RBMS1: variants seen among roughly 807,000 people sequenced by gnomAD.
RBMS1 encodes RNA-binding motif, single-stranded-interacting protein 1.
In RBMS1, 17 loss-of-function variants were observed where a neutral mutation model predicts 62.3. The ratio of observed to expected loss-of-function variants is 0.27; its 90% confidence interval spans 0.19 to 0.41. The LOEUF is 0.41. RBMS1 is among the 10% of genes least tolerant of loss of function. The probability of loss-of-function intolerance (pLI) is 1.00; values close to 1 mark genes in which losing one functional copy is unlikely to be tolerated. For missense variants in RBMS1, 334 were observed against 504.5 expected, an observed-to-expected ratio of 0.66 and a Z score of 3.24; for synonymous variants, 172 against 170.0, an observed-to-expected ratio of 1.01 and a Z score of -0.09.
chr2:160,478,599 A>AT (rs1367376319), intron 1 of RBMS1, among the ~76,000 whole-genome samples: 2 of 152,318 alleles, frequency 1.3e-5, no homozygotes, highest in East Asian at 3.9e-4. Context: ...CTAAGGTGGC[A>AT]TTTTTACTGG....
At chr2:160,353,028 G>A (rs1219106352) in intron 2 of RBMS1, among the ~76,000 whole-genome samples, 1 of 152,066 alleles carries the variant, frequency 6.6e-6, no homozygotes, top group Non-Finnish European at 1.5e-5. Flanking sequence ...AAAACCTTTT[G>A]CAGCTGCATA....
intron 1 of RBMS1, among the ~76,000 whole-genome samples, chr2:160,420,612 T>C (rs1461009710): frequency 7.2e-6 from 1 of 138,490 alleles, no homozygotes; most frequent in African/African-American, 2.5e-5. Flanking sequence ...CTGGCTTCAC[T>C]GTCAGTCAGT....
chr2:160,488,605 A>T (rs761526530), intron 1 of RBMS1, among the ~76,000 whole-genome samples: 9 of 152,130 alleles, frequency 5.9e-5, no homozygotes, highest in African/African-American at 1.9e-4. Context: ...AGCAGAGGAA[A>T]CAGAACATTT....
At chr2:160,437,661 T>C (rs951438210) in intron 1 of RBMS1, among the ~76,000 whole-genome samples, 7 of 152,212 alleles carry the variant, frequency 4.6e-5, no homozygotes, top group Non-Finnish European at 8.8e-5. Context: ...TGATGGACAA[T>C]GTCTCAGAAC....
chr2:160,422,774 A>G (rs989823675), intron 1 of RBMS1, among the ~76,000 whole-genome samples: 3 of 152,076 alleles, frequency 2.0e-5, no homozygotes, highest in Non-Finnish European at 2.9e-5. Context: ...AGATTTTTCT[A>G]TTCCTCTCCT....
At chr2:160,276,402 T>TCAC (rs889041295) in intron 12 of RBMS1, among the ~76,000 whole-genome samples, 29 of 149,434 alleles carry the variant, frequency 1.9e-4, no homozygotes, top group Admixed American at 4.0e-4. Flanking sequence ...GCTACTACTA[T>TCAC]CACCACCACC....
At chr2:160,380,008 T>C (rs1172930387) in intron 1 of RBMS1, among the ~76,000 whole-genome samples, 1 of 152,204 alleles carries the variant, frequency 6.6e-6, no homozygotes, top group African/African-American at 2.4e-5. Flanking sequence ...TTTAGTTTCA[T>C]TATAAATCTT....
chr2:160,384,586 C>T (rs1475088284), intron 1 of RBMS1, among the ~76,000 whole-genome samples: 1 of 152,194 alleles, frequency 6.6e-6, no homozygotes, highest in Non-Finnish European at 1.5e-5. Flanking sequence ...TCATATCCCA[C>T]CATGGTCACT....
intron 1 of RBMS1, among the ~76,000 whole-genome samples, chr2:160,427,814 T>A (rs1682701677): frequency 6.6e-6 from 1 of 152,216 alleles, no homozygotes; most frequent in Non-Finnish European, 1.5e-5. Context: ...CAAGTTCGAA[T>A]GTTAAGTTGA....
At chr2:160,366,448 T>C (rs1693403261) in intron 2 of RBMS1, among the ~76,000 whole-genome samples, 2 of 152,226 alleles carry the variant, frequency 1.3e-5, no homozygotes, top group Admixed American at 6.5e-5. Flanking sequence ...TACGCTTATA[T>C]GTGTAGGCTT....
At chr2:160,451,158 G>GAAAAAAAAAAAAA (rs71006607) in intron 1 of RBMS1, among the ~76,000 whole-genome samples, 4 of 128,040 alleles carry the variant, frequency 3.1e-5, no homozygotes, top group South Asian at 2.6e-4. Context: ...CCATGCTTCA[G>GAAAAAAAAAAAAA]AAAAAAAAAA....
chr2:160,436,026 A>C (rs372520556), intron 1 of RBMS1, among the ~76,000 whole-genome samples: 68 of 152,342 alleles, frequency 4.5e-4, no homozygotes, highest in African/African-American at 1.6e-3. Context: ...ACTTGACTTG[A>C]AAAAAGTTAA....
At chr2:160,313,408 CT>C (rs1358410884) in intron 3 of RBMS1, among the ~76,000 whole-genome samples, 161 bp from the exon 4 acceptor site, 36 of 152,134 alleles carry the variant, frequency 2.4e-4, no homozygotes, top group Admixed American at 2.4e-3. Context: ...CTCCTGGGCC[CT>C]TCTTCCCTGT....
chr2:160,344,987 G>T (rs1422859406), intron 2 of RBMS1, among the ~76,000 whole-genome samples: 1 of 152,122 alleles, frequency 6.6e-6, no homozygotes. Flanking sequence ...TGGTCTACAT[G>T]ATAGGATACA....
intron 1 of RBMS1, among the ~76,000 whole-genome samples, chr2:160,456,714 T>C (rs1043075666): frequency 2.0e-5 from 3 of 152,244 alleles, no homozygotes; most frequent in Non-Finnish European, 4.4e-5. Context: ...CTATTTCTTA[T>C]ATTTTGACTG....
intron 2 of RBMS1, among the ~76,000 whole-genome samples, chr2:160,335,998 ATTT>A (rs1460784353): frequency 6.6e-6 from 1 of 152,154 alleles, no homozygotes; most frequent in Non-Finnish European, 1.5e-5. Context: ...GTCCTTCATC[ATTT>A]TCTCCTGTTA....
At chr2:160,435,604 A>G (rs1683076963) in intron 1 of RBMS1, among the ~76,000 whole-genome samples, 1 of 152,220 alleles carries the variant, frequency 6.6e-6, no homozygotes, top group Admixed American at 6.5e-5. Context: ...AGGACCTTTT[A>G]CATTAGAATT....
At chr2:160,424,709 C>T (rs1696575178) in intron 1 of RBMS1, among the ~76,000 whole-genome samples, 1 of 152,130 alleles carries the variant, frequency 6.6e-6, no homozygotes, top group Non-Finnish European at 1.5e-5. Flanking sequence ...ACTGTCTATT[C>T]ACTCACAAAT....
chr2:160,300,801 A>G lies in RBMS1; in HGVS notation c.561-71T>C. ...AACTTTCATCTTGTTCGGTGCATGCATAAACATTCTTATAGGTTTTTTGGA... is the reference window on the plus strand; with the variant it reads ...AACTTTCATCTTGTTCGGTGCATGCGTAAACATTCTTATAGGTTTTTTGGA... On this transcript the variant is annotated intron_variant, in intron 5 of 13. Transcript: ENST00000348849. 2.1e-6 allele frequency: 3 copies of G among 1,396,838 alleles called. No homozygotes were observed. In the South Asian group the frequency reaches 5.1e-5, roughly 24 times the overall value. The allele number at this position is 1,396,838 out of a possible 1,614,324, so 86.5% of individuals were successfully genotyped here. A position where few individuals can be genotyped will look rare whatever the true frequency, so the allele number is the denominator to read the frequency against.
Sources: allele counts gnomAD v4.1 joint callset (sites outside exome capture counted in the v4.1 genomes callset), GRCh38; gene constraint gnomAD v4.1.1; transcripts MANE v1.5; gene names NCBI Gene and HGNC (gene_info 2026-07-23, HGNC 2026-07-21).